ZNF48: variants seen among roughly 807,000 people sequenced by gnomAD.
The protein encoded by ZNF48 is zinc finger protein 48, also known as zinc finger protein 553.
A neutral mutation model predicts 40.0 loss-of-function variants in ZNF48; 20 were observed. The ratio of observed to expected loss-of-function variants is 0.50; its 90% CI spans 0.35 to 0.73. The LOEUF (loss-of-function observed/expected upper bound fraction) is 0.73, where lower values mean the gene tolerates loss of function less well. Ranked by LOEUF, ZNF48 falls within the 30% of genes least tolerant of loss-of-function variation. ZNF48 has a pLI of 0.01. For missense variants in ZNF48, 726 were observed against 851.9 expected (o/e 0.85, Z 1.84); for synonymous variants, 298 against 329.7 (o/e 0.90, Z 1.04).
intron 1 of ZNF48, among the ~76,000 whole-genome samples, chr16:30,389,041 A>C (rs1314042956): frequency 6.6e-6 from 1 of 152,012 alleles, no homozygotes; most frequent in African/African-American, 2.4e-5. Context: ...CAGGCGGATC[A>C]TGAGATCAGG....
Position 30,381,978 on chromosome 16 carries a change from G to C in ZNF48, c.-16+3568G>C. 6.2e-7 allele frequency: 1 copy of C among 1,603,620 alleles called. No individual in the cohort carries two copies. Among genetic ancestry groups the C allele is most frequent in the South Asian group, 1.1e-5 (1 of 90,294 alleles). ...CACAGTTGCCTGCACCCATTTCCCAGGGGAGGAAAGTCTCAGAAAAAAAGC... is the reference window on the plus strand; with the variant it reads ...CACAGTTGCCTGCACCCATTTCCCACGGGAGGAAAGTCTCAGAAAAAAAGC... On this transcript the variant is annotated intron_variant, in intron 1 of 2. Coordinates refer to the ZNF48 transcript ENST00000528032. This position sits in a 1 kb window ranked among gnomAD's most constrained non-coding sequence, Gnocchi z 4.3.
intron 1 of ZNF48, among the ~76,000 whole-genome samples, chr16:30,385,197 TAATAATAATAATAATAATAATAATATAA>T (rs931283180): frequency 1.3e-4 from 19 of 144,804 alleles, no homozygotes; most frequent in African/African-American, 4.9e-4. Flanking sequence ...ATAATAATAA[TAATAATAATAATAATAATAATAATATAA>T]ATAAATAAAT....
At position 30,381,843 on chromosome 16, in the gene ZNF48, T is replaced by A. The variant is rs753640102; in HGVS notation, c.-16+3433T>A. The A allele has an allele frequency of 6.4e-5, 104 of 1,613,468 alleles. No homozygotes were observed. Among genetic ancestry groups the A allele is most frequent in the Non-Finnish European group, 8.3e-5 (98 of 1,179,652 alleles). ...CTTTCACACCCCCTTCCTCAATCTC[T>A]ACGCCCCGGCGCTCAATGGCCAGGG... On this transcript the variant is annotated intron_variant, in intron 1 of 2. Coordinates refer to the ZNF48 transcript ENST00000528032. The surrounding 1 kb of genome is among the most constrained non-coding windows in gnomAD (Gnocchi z 4.3).
At position 30,381,538 on chromosome 16, in the gene ZNF48, C is replaced by G; in HGVS notation, c.-16+3128C>G. ...CCAGAGGGCAGGGGGCAAGGCTAGCCAGGACTGTGGGAGTAGAATGTCATT... is the reference window on the plus strand; with the variant it reads ...CCAGAGGGCAGGGGGCAAGGCTAGCGAGGACTGTGGGAGTAGAATGTCATT... On this transcript the variant is annotated intron_variant, in intron 1 of 2. Coordinates refer to the ZNF48 transcript ENST00000528032. The surrounding 1 kb of genome is among the most constrained non-coding windows in gnomAD (Gnocchi z 4.3). 6.3e-7 allele frequency: 1 copy of G among 1,589,102 alleles called. No individual in the cohort carries two copies. Among genetic ancestry groups the G allele is most frequent in the Non-Finnish European group, 8.6e-7 (1 of 1,159,656 alleles).
At chr16:30,390,809 A>T (rs539043832), upstream of ZNF48, among the ~76,000 whole-genome samples, 1 of 151,762 alleles carries the variant, frequency 6.6e-6, no homozygotes, top group East Asian at 1.9e-4. Flanking sequence ...TATTTTTAGT[A>T]GAGACGGGGT....
At position 30,399,255 on chromosome 16, in the gene ZNF48, A is replaced by T; in HGVS notation, c.*148A>T. On this transcript the variant is annotated 3_prime_UTR_variant, in exon 3 of 3. Transcript: ENST00000613509. ...GATAGAAATAGGGATTGGAGACAGT[A>T]ACCTTGAAGCTCAGGAAACTGTCCT... 1.2e-6 allele frequency: 1 copy of T among 824,834 alleles called. No homozygotes were observed. Among genetic ancestry groups the T allele is most frequent in the South Asian group, 2.0e-5 (1 of 49,830 alleles). 51.1% of individuals were successfully genotyped at this position (824,834 alleles called of 1,614,324 possible).
chr16:30,386,290 A>G (rs2151113633), intron 1 of ZNF48, among the ~76,000 whole-genome samples: 1 of 152,296 alleles, frequency 6.6e-6, no homozygotes, highest in South Asian at 2.1e-4. Context: ...AAAAAAATAC[A>G]AAATTTAGGA....
At position 30,381,665 on chromosome 16, in the gene ZNF48, T is replaced by C; in HGVS notation, c.-16+3255T>C. The C allele has an allele frequency of 6.4e-7, 1 of 1,556,064 alleles. No homozygotes were observed. The highest frequency in any genetic ancestry group is 8.7e-7 in the Non-Finnish European group (1 of 1,149,866). ...TGGCCCTCTGAAACAGACACCACCT[T>C]TTGAGATAGGGAGCCAGCACAAACC... On this transcript the variant is annotated intron_variant, in intron 1 of 2. Coordinates refer to the ZNF48 transcript ENST00000528032. The surrounding 1 kb of genome is among the most constrained non-coding windows in gnomAD (Gnocchi z 4.3).
intron 1 of ZNF48, among the ~76,000 whole-genome samples, chr16:30,389,479 A>G (rs1407243574): frequency 6.6e-6 from 1 of 151,518 alleles, no homozygotes; most frequent in Non-Finnish European, 1.5e-5. Flanking sequence ...AGGCTGAGGC[A>G]GAAGAATTGC....
chr16:30,379,475 C>T (rs1364572876), intron 1 of ZNF48: 28 of 1,613,792 alleles, frequency 1.7e-5, no homozygotes, highest in Admixed American at 6.7e-5. Flanking sequence ...CCCTCACCGG[C>T]CGGTTCCCGC....
chr16:30,399,236 A>C lies in ZNF48; in HGVS notation c.*129A>C. On this transcript the variant is annotated 3_prime_UTR_variant, in exon 3 of 3. Coordinates refer to ENST00000613509, the MANE Select transcript of ZNF48 (RefSeq NM_001214909.2). ...AGAAAGGGGAGGAAGAATAGATAGAAATAGGGATTGGAGACAGTAACCTTG... is the reference window on the plus strand; with the variant it reads ...AGAAAGGGGAGGAAGAATAGATAGACATAGGGATTGGAGACAGTAACCTTG... The C allele has an allele frequency of 1.1e-6, 1 of 926,632 alleles. No homozygotes were observed. The highest frequency in any genetic ancestry group is 1.6e-6 in the Non-Finnish European group (1 of 637,844). The allele number at this position is 926,632 out of a possible 1,614,324, so 57.4% of individuals were successfully genotyped here.
chr16:30,379,640 C>CTTTTTTTT (rs71149011), intron 1 of ZNF48: 7,357 of 237,854 alleles, frequency 0.031, 818 homozygotes, highest in African/African-American at 0.042. Context: ...GCCCCTTCCT[C>CTTTTTTTT]TTTTTTTTTT....
In ZNF48 at chr16:30,381,041, A is replaced by C; in HGVS notation, c.-16+2631A>C. 1 of 1,099,230 alleles carries C rather than the reference A, an allele frequency of 9.1e-7. No homozygotes were observed. Among genetic ancestry groups the C allele is most frequent in the Non-Finnish European group, 1.4e-6 (1 of 713,788 alleles). The allele number at this position is 1,099,230 out of a possible 1,614,324, so 68.1% of individuals were successfully genotyped here. On this transcript the variant is annotated intron_variant, in intron 1 of 2. Coordinates refer to the ZNF48 transcript ENST00000528032. The surrounding 1 kb of genome is among the most constrained non-coding windows in gnomAD (Gnocchi z 4.3). ...TCTAGCCTGATGCACCATGCTCCAG[A>C]AAGGCCACTTCAAGATCAAAGAAGT...
intron 1 of ZNF48, chr16:30,380,547 T>C (rs2049830032): frequency 6.4e-6 from 1 of 157,428 alleles, no homozygotes; most frequent in Non-Finnish European, 1.4e-5. Context: ...AGCAGTCCAC[T>C]GACCTCAGCC....
In ZNF48 at chr16:30,378,346, C is replaced by G. The variant is rs2049779041; in HGVS notation, c.-80C>G. On this transcript the variant is annotated 5_prime_UTR_variant, in exon 1 of 3. Coordinates refer to the ZNF48 transcript ENST00000528032. ...GCGAGGGCGGCACCCGCGGAGGTCCCGGGGGGCGCTGGGCAGTGTGGGGCG... is the reference window on the plus strand; with the variant it reads ...GCGAGGGCGGCACCCGCGGAGGTCCGGGGGGGCGCTGGGCAGTGTGGGGCG... The G allele has an allele frequency of 1.3e-5, 17 of 1,294,642 alleles. No homozygotes were observed. The South Asian group carries it at 1.6e-4, about 12-fold the overall frequency. 80.2% of individuals were successfully genotyped at this position (1,294,642 alleles called of 1,614,324 possible). A position where few individuals can be genotyped will look rare whatever the true frequency, so the allele number is the denominator to read the frequency against.
At chr16:30,391,542 A>G (rs1361122305), upstream of ZNF48, among the ~76,000 whole-genome samples, 1 of 144,614 alleles carries the variant, frequency 6.9e-6, no homozygotes, top group African/African-American at 2.6e-5. Flanking sequence ...GTTGCCCAGA[A>G]CGGAATGCAG....
At position 30,399,030 on chromosome 16, in the gene ZNF48, C is replaced by T. The variant is rs1409847806; in HGVS notation, c.1780C>T (p.Leu594=). Residue 594 remains leucine (L), a synonymous_variant, in exon 3 of 3, where the codon CTG becomes TTG. Transcript: ENST00000613509. ...SARIKHQRGH[L]VLTPFGIGDG... ...CCGCATCAAGCACCAGCGTGGGCAC[C>T]TGGTCCTGACGCCCTTTGGGATAGG... 1.2e-6 allele frequency: 2 copies of T among 1,613,534 alleles called. No individual in the cohort carries two copies. The highest frequency in any genetic ancestry group is 1.3e-5 in the African/African-American group (1 of 74,884).
chr16:30,381,657 C>T lies in ZNF48; in HGVS notation c.-16+3247C>T, dbSNP rs2049850729. On this transcript the variant is annotated intron_variant, in intron 1 of 2. Coordinates refer to the ZNF48 transcript ENST00000528032. This position sits in a 1 kb window ranked among gnomAD's most constrained non-coding sequence, Gnocchi z 4.3. The stretch of plus-strand genomic sequence containing the variant: ...GGACCCAGTGGCCCTCTGAAACAGA[C>T]ACCACCTTTTGAGATAGGGAGCCAG... 2 of 1,544,554 alleles carry T rather than the reference C, an allele frequency of 1.3e-6. No homozygotes were observed. Among genetic ancestry groups the T allele is most frequent in the South Asian group, 1.2e-5 (1 of 81,578 alleles).
chr16:30,378,994 G>A (rs752076016), intron 1 of ZNF48: 3 of 1,607,424 alleles, frequency 1.9e-6, no homozygotes, highest in Non-Finnish European at 2.5e-6. Context: ...TGGAGGCTCT[G>A]ATACTGTCCG....
Sources: allele counts gnomAD v4.1 joint callset (sites outside exome capture counted in the v4.1 genomes callset), GRCh38; gene constraint gnomAD v4.1.1; non-coding constraint Gnocchi (gnomAD v3.1); transcripts MANE v1.5; gene names NCBI Gene and HGNC (gene_info 2026-07-23, HGNC 2026-07-21).